GPR89B: variants seen among roughly 807,000 people sequenced by gnomAD.
The protein encoded by GPR89B is golgi pH regulator B.
A neutral mutation model predicts 52.4 loss-of-function variants in GPR89B; 25 were observed. The observed-to-expected ratio is 0.48, with a 90% CI of 0.35 to 0.67. GPR89B has a LOEUF of 0.67. Ranked by LOEUF, GPR89B falls within the 30% of genes least tolerant of loss-of-function variation. The pLI is 0.01. For synonymous variants in GPR89B, 52 were observed against 151.2 expected, an observed-to-expected ratio of 0.34 and a Z score of 4.81; for missense variants, 146 against 450.2, an observed-to-expected ratio of 0.32 and a Z score of 6.11.
At chr1:147,987,240 G>A (rs1178509394) in intron 11 of GPR89B, among the ~76,000 whole-genome samples, 1 of 152,170 alleles carries the variant, frequency 6.6e-6, no homozygotes, top group African/African-American at 2.4e-5. Context: ...TGCTTTACAG[G>A]CCACGCAGTA....
the GPR89B span, among the ~76,000 whole-genome samples, chr1:148,014,131 C>T: frequency 2.0e-5 from 3 of 151,174 alleles, no homozygotes; most frequent in Admixed American, 6.6e-5. Flanking sequence ...GCGGGGGCTG[C>T]GGCTGCCACG....
chr1:147,994,246 T>G, downstream of GPR89B: 1 of 1,602,260 alleles, frequency 6.2e-7, no homozygotes, highest in Non-Finnish European at 8.5e-7. Context: ...AGGATTCCTA[T>G]TAAATACCCA....
At chr1:147,985,180 G>A (rs1468098754) in intron 10 of GPR89B, among the ~76,000 whole-genome samples, 4 of 152,016 alleles carry the variant, frequency 2.6e-5, no homozygotes, top group African/African-American at 9.7e-5. Flanking sequence ...TGTACCCCTT[G>A]TTGAAATGAT....
At chr1:147,939,789 G>A (rs1301191546) in intron 3 of GPR89B, among the ~76,000 whole-genome samples, 1 of 151,696 alleles carries the variant, frequency 6.6e-6, no homozygotes, top group Non-Finnish European at 1.5e-5. Context: ...CTTAAGTGCA[G>A]GGGTTCAAGA....
chr1:148,021,304 C>T, the GPR89B span, among the ~76,000 whole-genome samples: 1 of 151,636 alleles, frequency 6.6e-6, no homozygotes, highest in African/African-American at 2.4e-5. Context: ...AGATCGAGAC[C>T]ATCCTGGCTA....
intron 2 of GPR89B, among the ~76,000 whole-genome samples, chr1:147,937,618 AAAG>A (rs1654197565): frequency 6.6e-6 from 1 of 152,184 alleles, no homozygotes; most frequent in Non-Finnish European, 1.5e-5. Flanking sequence ...CTTGCTGGAA[AAAG>A]AATTCAGCAG....
chr1:148,007,312 A>G, the GPR89B span, among the ~76,000 whole-genome samples: 1 of 152,016 alleles, frequency 6.6e-6, no homozygotes. Flanking sequence ...CCTGACCTTA[A>G]GATCCGCCTG....
chr1:147,983,477 C>A (rs1275902097), intron 10 of GPR89B, among the ~76,000 whole-genome samples: 4 of 152,022 alleles, frequency 2.6e-5, no homozygotes, highest in African/African-American at 9.7e-5. Context: ...AACAAATTTA[C>A]AAGAAAAAAA....
At position 147,981,649 on chromosome 1, in the gene GPR89B, A is replaced by G. The variant is rs1210534184; in HGVS notation, c.910-4550A>G. On this transcript the variant is annotated intron_variant, in intron 10 of 13. Transcript: ENST00000314163. ...ATAATGCTGATGTGAACATTTGTGT[A>G]TAATTTTTTTGTTTTTGTTTTGAGA... is the stretch of plus-strand genomic sequence containing the variant. 3.6e-4 allele frequency among the ~76,000 whole-genome samples: 54 copies of G among 151,406 alleles called. 1 individual carries two copies. Among genetic ancestry groups the G allele is most frequent in the Non-Finnish European group, 5.4e-4 (37 of 67,896 alleles).
At chr1:147,951,511 G>C (rs1209174820) in intron 5 of GPR89B, among the ~76,000 whole-genome samples, 1 of 151,884 alleles carries the variant, frequency 6.6e-6, no homozygotes, top group Non-Finnish European at 1.5e-5. Flanking sequence ...ATGGGGGTTG[G>C]TAACTAGACG....
chr1:147,971,030 A>T (rs1475176648), intron 10 of GPR89B, among the ~76,000 whole-genome samples: 1 of 151,566 alleles, frequency 6.6e-6, no homozygotes, highest in African/African-American at 2.4e-5. Context: ...ATTGATGTCA[A>T]TAATACTCAG....
chr1:147,952,200 A>C (rs1655772778), intron 5 of GPR89B, among the ~76,000 whole-genome samples: 1 of 152,112 alleles, frequency 6.6e-6, no homozygotes, highest in African/African-American at 2.4e-5. Flanking sequence ...AGGTCTGGAG[A>C]CCATACATTT....
the GPR89B span, among the ~76,000 whole-genome samples, chr1:148,013,304 G>T: frequency 1.3e-5 from 2 of 152,096 alleles, no homozygotes; most frequent in Non-Finnish European, 2.9e-5. Context: ...TTCCTGCCCC[G>T]CAAGCCTCCC....
intron 7 of GPR89B, among the ~76,000 whole-genome samples, chr1:147,956,874 A>T (rs1656157047): frequency 6.6e-6 from 1 of 151,618 alleles, no homozygotes; most frequent in African/African-American, 2.4e-5. Context: ...AGTATCTGGG[A>T]TTATAGGTGC....
At chr1:147,973,156 AT>A (rs1657597984) in intron 10 of GPR89B, among the ~76,000 whole-genome samples, 1 of 151,720 alleles carries the variant, frequency 6.6e-6, no homozygotes, top group Admixed American at 6.6e-5. Flanking sequence ...AATGATTTAT[AT>A]TCCTTTGGGT....
chr1:147,991,694 A>G (rs1447511082), intron 12 of GPR89B, among the ~76,000 whole-genome samples: 52 of 152,114 alleles, frequency 3.4e-4, no homozygotes, highest in Non-Finnish European at 6.0e-4. Flanking sequence ...TTCTGCATCT[A>G]TTGAGATAAC....
At chr1:147,950,911 TGGGAGACCGTGGAAAGAGAGGGAGA>T (rs587669935) in intron 5 of GPR89B, among the ~76,000 whole-genome samples, 3 of 151,506 alleles carry the variant, frequency 2.0e-5, no homozygotes, top group African/African-American at 4.9e-5. Context: ...TCAGCATCAG[TGGGAGACCGTGGAAAGAGAGGGAGA>T]GGGAGACCGT....
At chr1:147,930,464 A>C (rs1553246860) in intron 1 of GPR89B, among the ~76,000 whole-genome samples, 1 of 152,056 alleles carries the variant, frequency 6.6e-6, no homozygotes, top group East Asian at 1.9e-4. Context: ...ATGAAGTCCA[A>C]GATACTGTCT....
chr1:147,970,541 ATCTCTCTC>A (rs1230663138), intron 10 of GPR89B, among the ~76,000 whole-genome samples: 2,983 of 94,576 alleles, frequency 0.032, 14 homozygotes, highest in Non-Finnish European at 0.046. Flanking sequence ...CTCTATCTCT[ATCTCTCTC>A]TCTCTATCTC....
Sources: gnomAD v4.1 joint callset for allele counts (sites outside exome capture counted in the v4.1 genomes callset) on GRCh38, gnomAD v4.1.1 for gene constraint, MANE v1.5 for transcripts, NCBI Gene and HGNC (gene_info 2026-07-23, HGNC 2026-07-21) for gene names.